Variants in MDGA2 observed in about 807,000 individuals in gnomAD.
The protein encoded by MDGA2 is MAM domain-containing glycosylphosphatidylinositol anchor protein 2.
In MDGA2, 40 loss-of-function variants were observed where a neutral mutation model predicts 117.8. The ratio of observed to expected loss-of-function variants is 0.34; its 90% confidence interval spans 0.26 to 0.44. The LOEUF is 0.44. Among genes scored for constraint, MDGA2 ranks in the 20% least tolerant of loss-of-function variants. The pLI is 1.00. For missense variants in MDGA2, 1,123 were observed against 1,250.6 expected, an observed-to-expected ratio of 0.90 and a Z score of 1.54; for synonymous variants, 452 against 439.0, an observed-to-expected ratio of 1.03 and a Z score of -0.37.
Position 47,461,265 on chromosome 14 carries a change from A to ATGTGTGTGTGTGTG in MDGA2, c.281-159716_281-159715insCACACACACACACA, listed in dbSNP as rs1415422668. 7.7e-3 allele frequency among the ~76,000 whole-genome samples: 102 copies of ATGTGTGTGTGTGTG among 13,296 alleles called. 1 individual carries two copies. Among genetic ancestry groups the ATGTGTGTGTGTGTG allele is most frequent in the East Asian group, 0.07 (20 of 286 alleles). The allele number at this position is 13,296 out of a possible 152,430, so 8.7% of individuals were successfully genotyped here. A position where few individuals can be genotyped will look rare whatever the true frequency, so the allele number is the denominator to read the frequency against. On this transcript the variant is annotated intron_variant, in intron 1 of 16. Transcript: ENST00000399232. ...ATTCCATGTAGTCCAAGTTAAAAAAATGTATGTGTGTGTGTGTGTGTGTGT... is the reference window on the plus strand; with the variant it reads ...ATTCCATGTAGTCCAAGTTAAAAAAATGTGTGTGTGTGTGTGTATGTGTGTGTGTGTGTGTGTGT...
chr14:47,510,723 G>T (rs1425145892), intron 1 of MDGA2, among the ~76,000 whole-genome samples: 1 of 152,176 alleles, frequency 6.6e-6, no homozygotes, highest in African/African-American at 2.4e-5. Flanking sequence ...AATCCAAACT[G>T]CTTGTGGTTG....
chr14:47,186,751 T>C (rs1057261525), intron 3 of MDGA2, among the ~76,000 whole-genome samples: 2 of 152,004 alleles, frequency 1.3e-5, no homozygotes, highest in African/African-American at 2.4e-5. Flanking sequence ...TCTAGTAATT[T>C]AATCCTTCTC....
intron 9 of MDGA2, among the ~76,000 whole-genome samples, chr14:46,920,941 G>A (rs1276310865): frequency 6.6e-6 from 1 of 152,124 alleles, no homozygotes; most frequent in African/African-American, 2.4e-5. Context: ...GATTTTTAAA[G>A]AAATGTGAAT....
chr14:47,341,785 A>T (rs1389397250), intron 1 of MDGA2, among the ~76,000 whole-genome samples: 1 of 152,142 alleles, frequency 6.6e-6, no homozygotes. Flanking sequence ...AGTGGAGAAA[A>T]CAGCAGCATG....
chr14:46,963,915 C>T (rs1192905377), intron 8 of MDGA2, among the ~76,000 whole-genome samples: 2 of 152,098 alleles, frequency 1.3e-5, no homozygotes, highest in African/African-American at 2.4e-5. Context: ...TAAAGATGTA[C>T]ACATTCTCTT....
chr14:47,559,804 C>G (rs1006512298), intron 1 of MDGA2, among the ~76,000 whole-genome samples: 2 of 152,036 alleles, frequency 1.3e-5, no homozygotes, highest in African/African-American at 4.8e-5. Context: ...AACTCCTGAC[C>G]TCAGGTGATC....
At chr14:47,173,058 GATGAAATGA>G (rs1884238884) in intron 3 of MDGA2, among the ~76,000 whole-genome samples, 1 of 152,192 alleles carries the variant, frequency 6.6e-6, no homozygotes, top group Admixed American at 6.5e-5. Context: ...AGTGATGGAA[GATGAAATGA>G]ATGAAATGAA....
At chr14:47,079,250 A>G (rs576485330) in intron 6 of MDGA2, among the ~76,000 whole-genome samples, 1 of 152,298 alleles carries the variant, frequency 6.6e-6, no homozygotes, top group African/African-American at 2.4e-5. Context: ...TTTCTCATTA[A>G]TAGATTGAGA....
intron 1 of MDGA2, among the ~76,000 whole-genome samples, chr14:47,451,897 G>A (rs1170465432): frequency 6.6e-6 from 1 of 152,106 alleles, no homozygotes; most frequent in Non-Finnish European, 1.5e-5. Flanking sequence ...ATGTTTAGAG[G>A]AGAATGATAT....
At position 47,197,614 on chromosome 14, in the gene MDGA2, G is replaced by GA. The variant is rs1201276194; in HGVS notation, c.595+20406dup. On this transcript the variant is annotated intron_variant, in intron 3 of 16. Transcript: ENST00000399232. Reference sequence around the variant, plus strand: ...TGGTGAATCTGAAACAACAAGATTAGAAAAAAGTACTGTAGGCTGGGCCTG... The same window carrying GA: ...TGGTGAATCTGAAACAACAAGATTAGAAAAAAAGTACTGTAGGCTGGGCCTG... Among the ~76,000 whole-genome samples, 5 of 152,284 alleles carry GA rather than the reference G, an allele frequency of 3.3e-5. No homozygotes were observed. In the East Asian group the frequency reaches 7.7e-4, roughly 24 times the overall value.
intron 11 of MDGA2, among the ~76,000 whole-genome samples, chr14:46,881,636 A>T (rs1038515362): frequency 6.6e-5 from 10 of 152,130 alleles, no homozygotes; most frequent in Admixed American, 5.9e-4. Flanking sequence ...TGTAAACCTT[A>T]AACTGCTCAA....
intron 12 of MDGA2, among the ~76,000 whole-genome samples, chr14:46,874,506 G>T (rs1341936873): frequency 6.6e-6 from 1 of 151,666 alleles, no homozygotes; most frequent in African/African-American, 2.4e-5. Context: ...TATTGCTGAA[G>T]AATTTTCCCA....
intron 3 of MDGA2, among the ~76,000 whole-genome samples, chr14:47,161,439 A>C (rs1050030862): frequency 6.6e-6 from 1 of 152,068 alleles, no homozygotes; most frequent in Non-Finnish European, 1.5e-5. Context: ...TCACCATTTT[A>C]TTACTTATTT....
intron 9 of MDGA2, among the ~76,000 whole-genome samples, chr14:46,926,958 G>A (rs145081019): frequency 9.1e-4 from 138 of 152,210 alleles, no homozygotes; most frequent in African/African-American, 3.2e-3. Context: ...TCTTCTGACC[G>A]GATCCTGAGC....
At chr14:47,591,516 T>A (rs928471859) in intron 1 of MDGA2, among the ~76,000 whole-genome samples, 12 of 151,994 alleles carry the variant, frequency 7.9e-5, no homozygotes, top group African/African-American at 2.9e-4. Context: ...CAAGCCAATA[T>A]CCCTGATAAA....
At chr14:47,648,183 C>T (rs1053469302) in intron 1 of MDGA2, among the ~76,000 whole-genome samples, 3 of 152,074 alleles carry the variant, frequency 2.0e-5, no homozygotes, top group Non-Finnish European at 4.4e-5. Context: ...TACAGATTGT[C>T]AAGTGAGACA....
At chr14:47,210,156 T>C (rs1235934719) in intron 3 of MDGA2, among the ~76,000 whole-genome samples, 5 of 152,174 alleles carry the variant, frequency 3.3e-5, no homozygotes, top group South Asian at 2.1e-4. Context: ...CAGTTGAAAA[T>C]GTAATAAATC....
At chr14:47,008,205 G>A (rs549322988) in intron 8 of MDGA2, among the ~76,000 whole-genome samples, 11 of 151,914 alleles carry the variant, frequency 7.2e-5, no homozygotes, top group South Asian at 2.1e-4. Context: ...AACAAAAAAC[G>A]TTTCAGAGGT....
At chr14:47,246,859 A>C (rs1887256799) in intron 2 of MDGA2, among the ~76,000 whole-genome samples, 1 of 148,574 alleles carries the variant, frequency 6.7e-6, no homozygotes, top group African/African-American at 2.5e-5. Flanking sequence ...AAAAAGCCAG[A>C]TGATCCCTAG....
Sources: gnomAD v4.1 joint callset for allele counts (sites outside exome capture counted in the v4.1 genomes callset) on GRCh38, gnomAD v4.1.1 for gene constraint, MANE v1.5 for transcripts, NCBI Gene and HGNC (gene_info 2026-07-23, HGNC 2026-07-21) for gene names.